Variants in WWOX observed in about 807,000 individuals in gnomAD.
WWOX encodes WW domain-containing oxidoreductase.
In WWOX, 69 loss-of-function variants were observed where a neutral mutation model predicts 46.2. The observed-to-expected ratio is 1.49, with a 90% CI of 1.23 to 1.82. WWOX has a LOEUF of 1.82. Ranked by LOEUF, WWOX falls within the 40% of genes most tolerant of loss-of-function variation. WWOX has a pLI of 0.00. For missense variants in WWOX, 919 were observed against 542.6 expected, an observed-to-expected ratio of 1.69 and a Z score of -6.89; for synonymous variants, 359 against 202.6, an observed-to-expected ratio of 1.77 and a Z score of -6.56.
At chr16:78,959,797 C>T (rs1032829180) in intron 8 of WWOX, among the ~76,000 whole-genome samples, 7 of 152,092 alleles carry the variant, frequency 4.6e-5, no homozygotes, top group Admixed American at 2.0e-4. Context: ...TGTCCTCTGT[C>T]GGTGTTCTGA....
chr16:78,521,913 G>T (rs886613992), intron 8 of WWOX, among the ~76,000 whole-genome samples: 1 of 152,200 alleles, frequency 6.6e-6, no homozygotes, highest in African/African-American at 2.4e-5. Context: ...TTACTGGTAT[G>T]TATATATTTT....
chr16:78,534,387 TGAA>T (rs1219912344), intron 8 of WWOX: 1 of 152,222 alleles, frequency 6.6e-6, no homozygotes, highest in Non-Finnish European at 1.5e-5. Context: ...CATGTATCAC[TGAA>T]ACAACCAACT....
At chr16:78,426,605 T>C (rs958333800) in intron 7 of WWOX, among the ~76,000 whole-genome samples, 5 of 152,192 alleles carry the variant, frequency 3.3e-5, no homozygotes, top group Non-Finnish European at 5.9e-5. Flanking sequence ...CTTGCTCCTG[T>C]GTGATGGCTG....
rs116777206 is a variant in WWOX at position 79,041,994 on chromosome 16, G to A, written c.1057-169614G>A. ...CACCCTGGTTCTGCAAAATGGGTGC[G>A]AAATGTAAAATGTATATACCTTCTA... is the stretch of plus-strand genomic sequence containing the variant. On this transcript the variant is annotated intron_variant, in intron 8 of 8. Coordinates refer to ENST00000566780, the MANE Select transcript of WWOX (RefSeq NM_016373.4). Among the ~76,000 whole-genome samples, 1,397 of 152,212 alleles carry A rather than the reference G, an allele frequency of 9.2e-3. 24 individuals are homozygous for A. Among genetic ancestry groups the A allele is most frequent in the African/African-American group, 0.032 (1,315 of 41,506 alleles).
chr16:79,038,217 A>G (rs1023065260), intron 8 of WWOX, among the ~76,000 whole-genome samples: 3 of 152,066 alleles, frequency 2.0e-5, no homozygotes, highest in African/African-American at 7.2e-5. Flanking sequence ...CTTTGCAAAT[A>G]TTTGTCTTTC....
Position 78,715,223 on chromosome 16 carries a change from C to G in WWOX, c.1056+282471C>G, listed in dbSNP as rs118158696. ...GTTCAGTTGCAAGTTAAAGAAAACACAAGTAAAGCTAACTGTAACACACAG... is the reference window on the plus strand; with the variant it reads ...GTTCAGTTGCAAGTTAAAGAAAACAGAAGTAAAGCTAACTGTAACACACAG... On this transcript the variant is annotated intron_variant, in intron 8 of 8. Transcript: ENST00000566780. 3.5e-3 allele frequency among the ~76,000 whole-genome samples: 534 copies of G among 152,260 alleles called. 4 individuals carry two copies. The highest frequency in any genetic ancestry group is 0.01 in the Middle Eastern group (3 of 292).
intron 8 of WWOX, among the ~76,000 whole-genome samples, chr16:79,032,546 A>G (rs1236247190): frequency 1.3e-5 from 2 of 148,402 alleles, no homozygotes; most frequent in Admixed American, 6.8e-5. Context: ...TATATATTAT[A>G]CATGTAATAT....
intron 8 of WWOX, chr16:78,897,888 T>C (rs777171266): frequency 3.9e-5 from 6 of 152,190 alleles, no homozygotes; most frequent in Non-Finnish European, 8.8e-5. Context: ...CGCTATCTCT[T>C]GCTAGTTTTA....
intron 8 of WWOX, among the ~76,000 whole-genome samples, chr16:78,829,859 A>T (rs1297100370): frequency 2.6e-5 from 4 of 152,146 alleles, no homozygotes; most frequent in Non-Finnish European, 1.5e-5. Context: ...TAGTTTTATT[A>T]ATGAGAAAAG....
chr16:78,942,665 A>C (rs2045875667), intron 8 of WWOX, among the ~76,000 whole-genome samples: 1 of 152,182 alleles, frequency 6.6e-6, no homozygotes, highest in African/African-American at 2.4e-5. Context: ...GAGAAAATGG[A>C]ATGGAATGAG....
intron 8 of WWOX, among the ~76,000 whole-genome samples, chr16:78,544,317 ACAAT>A (rs2043969718): frequency 2.0e-5 from 3 of 152,222 alleles, no homozygotes; most frequent in East Asian, 3.8e-4. Context: ...CCTTAATAAT[ACAAT>A]CATAGTTACC....
chr16:78,560,872 T>C (rs1317984836), intron 8 of WWOX, among the ~76,000 whole-genome samples: 1 of 152,178 alleles, frequency 6.6e-6, no homozygotes, highest in Admixed American at 6.5e-5. Context: ...TTTTTTCTTT[T>C]GCTATTGCTG....
chr16:78,230,377 C>A (rs2037217851), intron 5 of WWOX, among the ~76,000 whole-genome samples: 1 of 152,174 alleles, frequency 6.6e-6, no homozygotes, highest in African/African-American at 2.4e-5. Context: ...GGACAGGTAA[C>A]ATGATGTACA....
intron 8 of WWOX, among the ~76,000 whole-genome samples, chr16:78,586,780 T>G (rs1240388693): frequency 6.6e-6 from 1 of 152,156 alleles, no homozygotes; most frequent in East Asian, 1.9e-4. Flanking sequence ...TCAGGAAGGT[T>G]AAGTAATGTG....
At chr16:78,365,289 G>C (rs1253500443) in intron 5 of WWOX, among the ~76,000 whole-genome samples, 1 of 152,170 alleles carries the variant, frequency 6.6e-6, no homozygotes, top group Non-Finnish European at 1.5e-5. Flanking sequence ...GAAACCGCTG[G>C]AGGAAGCTAA....
intron 5 of WWOX, among the ~76,000 whole-genome samples, chr16:78,341,956 G>GAAA (rs34393752): frequency 3.5e-5 from 4 of 113,126 alleles, no homozygotes; most frequent in Non-Finnish European, 6.3e-5. Context: ...TCTCTACTTG[G>GAAA]AAAAAAAAAA....
chr16:78,878,960 A>G (rs1597097252), intron 8 of WWOX, among the ~76,000 whole-genome samples: 1 of 149,000 alleles, frequency 6.7e-6, no homozygotes. Flanking sequence ...TTAGCTATTC[A>G]GGAGGCTGAG....
chr16:78,390,532 G>C (rs528851645), intron 6 of WWOX, among the ~76,000 whole-genome samples: 4 of 152,294 alleles, frequency 2.6e-5, no homozygotes, highest in Admixed American at 6.5e-5. Flanking sequence ...TCCCATGAGA[G>C]TACAGGATTT....
At chr16:78,474,736 C>A (rs937693993) in intron 8 of WWOX, among the ~76,000 whole-genome samples, 3 of 152,152 alleles carry the variant, frequency 2.0e-5, no homozygotes, top group African/African-American at 4.8e-5. Flanking sequence ...CCATTCTCCA[C>A]TTCAACTCTT....
Sources: allele counts gnomAD v4.1 joint callset (sites outside exome capture counted in the v4.1 genomes callset), GRCh38; gene constraint gnomAD v4.1.1; transcripts MANE v1.5; gene names NCBI Gene and HGNC (gene_info 2026-07-23, HGNC 2026-07-21).